Variants in SRPK1 observed in about 807,000 individuals in gnomAD.
The protein encoded by SRPK1 is SRSF protein kinase 1.
Under a neutral mutation model 89.5 loss-of-function variants are expected in SRPK1, and 52 were observed. That is an observed-to-expected ratio of 0.58 (90% CI 0.46 to 0.73). The LOEUF is 0.73. SRPK1 is among the 30% of genes least tolerant of loss of function. The pLI is 0.00. For synonymous variants in SRPK1, 255 were observed against 270.2 expected (o/e 0.94, Z 0.55); for missense variants, 603 against 780.6 (o/e 0.77, Z 2.71).
At chr6:35,869,302 A>G (rs1028687217) in intron 11 of SRPK1, among the ~76,000 whole-genome samples, 180 bp downstream of exon 11, 1 of 152,314 alleles carries the variant, frequency 6.6e-6, no homozygotes, top group South Asian at 2.1e-4. Flanking sequence ...ACAGCAACAA[A>G]TGAAGTGCTG....
At chr6:35,854,008 T>C (rs1769615142) in intron 13 of SRPK1, among the ~76,000 whole-genome samples, 2 of 151,956 alleles carry the variant, frequency 1.3e-5, no homozygotes, top group South Asian at 4.2e-4. Context: ...TGGGGTGCAG[T>C]GGTGTGATCT....
rs569814465 is a variant in SRPK1, at chr6:35,884,759, G to T, written c.478+1965C>A. Among the ~76,000 whole-genome samples the T allele has an allele frequency of 2.0e-5, 3 of 152,274 alleles. No homozygotes were observed. In the East Asian group the frequency reaches 5.8e-4, roughly 29 times the overall value. On this transcript the variant is annotated intron_variant, in intron 6 of 15. Coordinates refer to ENST00000373825, the MANE Select transcript of SRPK1 (RefSeq NM_003137.5). ...CTCACACCTGTAATCCCAGCACTTT[G>T]GGAGGCCGAGGCGGGCAGATCACCT... is the stretch of plus-strand genomic sequence containing the variant.
At position 35,869,543 on chromosome 6, in the gene SRPK1, C is replaced by T. The variant is rs1301066198; in HGVS notation, c.1350G>A (p.Arg450=). 3.1e-6 allele frequency: 5 copies of T among 1,613,756 alleles called. No homozygotes were observed. Among genetic ancestry groups the T allele is most frequent in the Admixed American group, 1.7e-5 (1 of 59,988 alleles). ...GTTCATCTTCACAGGGTATCTCTGCCCGAATGCTTTCTTGAAGTTGGCTAA... is the reference window on the plus strand; with the variant it reads ...GTTCATCTTCACAGGGTATCTCTGCTCGAATGCTTTCTTGAAGTTGGCTAA... ...QHISQLQESI[R]AEIPCEDEQE... Residue 450 remains arginine (R), a synonymous_variant, in exon 11 of 16, where the codon CGG becomes CGA. Transcript: ENST00000373825.
intron 2 of SRPK1, among the ~76,000 whole-genome samples, chr6:35,898,125 G>A (rs550895477): frequency 4.0e-4 from 60 of 149,742 alleles, no homozygotes; most frequent in African/African-American, 1.4e-3. Flanking sequence ...ACCAACCTAA[G>A]TACCCATTGA....
chr6:35,918,450 G>A (rs1056083455), intron 2 of SRPK1, among the ~76,000 whole-genome samples: 2 of 151,986 alleles, frequency 1.3e-5, no homozygotes, highest in African/African-American at 2.4e-5. Flanking sequence ...GCAGTGAGCC[G>A]AGATCGCACC....
At chr6:35,897,387 T>A (rs1184259752) in intron 2 of SRPK1, among the ~76,000 whole-genome samples, 1 of 152,244 alleles carries the variant, frequency 6.6e-6, no homozygotes, top group African/African-American at 2.4e-5. Context: ...GCTGGAGATG[T>A]GCACGTCTAT....
chr6:35,874,078 C>T (rs1001562787), intron 7 of SRPK1, among the ~76,000 whole-genome samples, 155 bp downstream of exon 7: 12 of 152,074 alleles, frequency 7.9e-5, no homozygotes, highest in Admixed American at 3.9e-4. Context: ...CTGCCCGCCT[C>T]GGCCTCCCAA....
chr6:35,888,297 G>C (rs1770450461), intron 4 of SRPK1, among the ~76,000 whole-genome samples, 186 bp from the exon 5 acceptor site: 1 of 152,094 alleles, frequency 6.6e-6, no homozygotes, highest in South Asian at 2.1e-4. Context: ...TTCATTTATA[G>C]GAAGAATAAA....
At chr6:35,915,982 A>AAAT (rs1554158171) in intron 2 of SRPK1, among the ~76,000 whole-genome samples, 3 of 99,710 alleles carry the variant, frequency 3.0e-5, no homozygotes, top group Admixed American at 2.1e-4. Flanking sequence ...AAAAACAAAA[A>AAAT]AAAAAAAAAA....
chr6:35,850,868 C>T (rs562486475), intron 13 of SRPK1, among the ~76,000 whole-genome samples: 1 of 152,134 alleles, frequency 6.6e-6, no homozygotes, highest in Non-Finnish European at 1.5e-5. Flanking sequence ...TTATGTTGAA[C>T]AAAGACCTGC....
intron 13 of SRPK1, among the ~76,000 whole-genome samples, chr6:35,844,930 C>T (rs369933686): frequency 4.6e-5 from 7 of 152,128 alleles, no homozygotes; most frequent in Admixed American, 1.3e-4. Flanking sequence ...GCCTGTGGTC[C>T]CAGCTATTCA....
At chr6:35,871,816 G>C (rs576745140) in intron 8 of SRPK1, among the ~76,000 whole-genome samples, 15 of 152,070 alleles carry the variant, frequency 9.9e-5, no homozygotes, top group Non-Finnish European at 2.2e-4. Context: ...ATCACAACTC[G>C]TGGCAGCCTT....
intron 6 of SRPK1, among the ~76,000 whole-genome samples, chr6:35,880,016 G>A (rs551074022): frequency 2.6e-4 from 39 of 149,416 alleles, no homozygotes; most frequent in African/African-American, 6.4e-4. Context: ...AGCTGTGTTC[G>A]CACCACGGCA....
At chr6:35,842,669 G>A in intron 13 of SRPK1, 65 bp from the exon 14 acceptor site, 1 of 1,234,754 alleles carries the variant, frequency 8.1e-7, no homozygotes, top group Non-Finnish European at 1.1e-6. Context: ...AAAGCTGATT[G>A]CTATTTGGCT....
chr6:35,863,209 A>G (rs1015646073), intron 12 of SRPK1, among the ~76,000 whole-genome samples: 9 of 152,066 alleles, frequency 5.9e-5, no homozygotes, highest in African/African-American at 2.2e-4. Flanking sequence ...TACATTTGAA[A>G]GCCTCAATAA....
At chr6:35,839,404 G>A (rs6923015) in intron 14 of SRPK1, among the ~76,000 whole-genome samples, 48,242 of 152,180 alleles carry the variant, frequency 0.32, 7,878 homozygotes, top group South Asian at 0.45. Context: ...CTAAAACTCA[G>A]ATGAAAACCA....
At position 35,870,381 on chromosome 6, in the gene SRPK1, G is replaced by A; in HGVS notation, c.891C>T (p.Gly297=). 1 of 1,602,312 alleles carries A rather than the reference G, an allele frequency of 6.2e-7. No homozygotes were observed. The highest frequency in any genetic ancestry group is 8.5e-7 in the Non-Finnish European group (1 of 1,173,732). ...GCTTGTTTGGTCTTTTTTGCCCAGG[G>A]CCCGACTCTTTCTCCATTTCCTCAA... ...QEIEEMEKES[G]PGQKRPNKQE... is the part of the protein sequence containing the mutation. The change falls in exon 10 of 16, where the codon GGC becomes GGT. Residue 297 remains glycine (G), a synonymous_variant. Coordinates refer to ENST00000373825, the MANE Select transcript of SRPK1 (RefSeq NM_003137.5).
At chr6:35,903,507 C>T (rs1006961173) in intron 2 of SRPK1, among the ~76,000 whole-genome samples, 3 of 148,978 alleles carry the variant, frequency 2.0e-5, no homozygotes, top group Non-Finnish European at 4.5e-5. Flanking sequence ...GTGAGACTGT[C>T]TCCAAAAAAA....
chr6:35,910,733 A>T (rs1250803905), intron 2 of SRPK1, among the ~76,000 whole-genome samples: 1 of 152,220 alleles, frequency 6.6e-6, no homozygotes, highest in South Asian at 2.1e-4. Flanking sequence ...AGTGACTTTA[A>T]GTTGAGGCCA....
Sources: allele counts gnomAD v4.1 joint callset (sites outside exome capture counted in the v4.1 genomes callset), GRCh38; gene constraint gnomAD v4.1.1; transcripts MANE v1.5; gene names NCBI Gene and HGNC (gene_info 2026-07-23, HGNC 2026-07-21).